SOX5: variants seen among roughly 807,000 people sequenced by gnomAD.
The protein encoded by SOX5 is transcription factor SOX-5.
SOX5 carries 9 observed loss-of-function variants against 92.0 expected under a neutral mutation model. The ratio of observed to expected loss-of-function variants is 0.10; its 90% CI spans 0.06 to 0.17. The LOEUF is 0.17. Ranked by LOEUF, SOX5 falls within the 10% of genes least tolerant of loss-of-function variation. The pLI, the probability that SOX5 is intolerant of heterozygous loss-of-function variation, is 1.00. For missense variants in SOX5, 642 were observed against 944.5 expected (o/e 0.68, Z 4.20); for synonymous variants, 344 against 336.3 (o/e 1.02, Z -0.25).
At chr12:24,557,027 T>C (rs1341811796) in intron 1 of SOX5, among the ~76,000 whole-genome samples, 1 of 152,140 alleles carries the variant, frequency 6.6e-6, no homozygotes, top group Non-Finnish European at 1.5e-5. Flanking sequence ...ATGCTAGGCA[T>C]TTCACACGTA....
chr12:24,193,199 G>A (rs1263163003), intron 4 of SOX5, among the ~76,000 whole-genome samples: 1 of 152,154 alleles, frequency 6.6e-6, no homozygotes, highest in Non-Finnish European at 1.5e-5. Context: ...AGAACCTGCA[G>A]GAAGATATTA....
chr12:24,161,379 G>C (rs904917880), intron 4 of SOX5, among the ~76,000 whole-genome samples: 4 of 152,026 alleles, frequency 2.6e-5, no homozygotes, highest in African/African-American at 9.7e-5. Context: ...ATGTCACATA[G>C]GCCATGTTTC....
At chr12:23,821,585 G>A (rs1317096743) in intron 3 of SOX5, among the ~76,000 whole-genome samples, 2 of 151,326 alleles carry the variant, frequency 1.3e-5, no homozygotes, top group African/African-American at 4.8e-5. Flanking sequence ...TTTATTGAGT[G>A]TTTTAGCATG....
chr12:24,106,140 G>T (rs759528595), intron 4 of SOX5, among the ~76,000 whole-genome samples: 6 of 151,214 alleles, frequency 4.0e-5, no homozygotes, highest in Non-Finnish European at 8.8e-5. Context: ...GACAAGTCAA[G>T]GAATGAGAGA....
chr12:24,255,970 C>A (rs1056654868), intron 3 of SOX5, among the ~76,000 whole-genome samples: 1 of 152,106 alleles, frequency 6.6e-6, no homozygotes, highest in Non-Finnish European at 1.5e-5. Context: ...TTTTAAACCC[C>A]AAGTTGTTAA....
chr12:24,094,939 T>G (rs1715031581), intron 4 of SOX5, among the ~76,000 whole-genome samples: 1 of 152,114 alleles, frequency 6.6e-6, no homozygotes, highest in East Asian at 1.9e-4. Flanking sequence ...CTCTTCAAAA[T>G]TTTCTTGGCT....
At chr12:23,571,806 G>C (rs997179325) in intron 10 of SOX5, among the ~76,000 whole-genome samples, 1 of 152,038 alleles carries the variant, frequency 6.6e-6, no homozygotes, top group Admixed American at 6.6e-5. Flanking sequence ...AGGCTCTTTA[G>C]GTCTGTGTTC....
At chr12:24,235,600 A>G (rs754550550) in intron 3 of SOX5, among the ~76,000 whole-genome samples, 25 of 152,342 alleles carry the variant, frequency 1.6e-4, no homozygotes, top group Non-Finnish European at 3.4e-4. Flanking sequence ...CATATCATAA[A>G]TAAGACCCAG....
intron 4 of SOX5, among the ~76,000 whole-genome samples, chr12:23,977,011 A>C (rs1338833641): frequency 1.3e-5 from 2 of 152,138 alleles, no homozygotes; most frequent in Non-Finnish European, 2.9e-5. Context: ...CAATATACCT[A>C]CTTTATTATG....
intron 2 of SOX5, among the ~76,000 whole-genome samples, chr12:24,335,800 C>T (rs1951811854): frequency 6.6e-6 from 1 of 151,338 alleles, no homozygotes; most frequent in Non-Finnish European, 1.5e-5. Flanking sequence ...TATCACTGTT[C>T]TTAAGCTCAC....
At chr12:24,253,811 A>T (rs1268396975) in intron 3 of SOX5, among the ~76,000 whole-genome samples, 2 of 152,176 alleles carry the variant, frequency 1.3e-5, no homozygotes, top group African/African-American at 4.8e-5. Context: ...TCTTAAGGCA[A>T]TGGAAGTGAA....
At chr12:23,677,552 T>G (rs2085908123) in intron 6 of SOX5, among the ~76,000 whole-genome samples, 1 of 152,204 alleles carries the variant, frequency 6.6e-6, no homozygotes, top group Non-Finnish European at 1.5e-5. Flanking sequence ...GATCCGTATA[T>G]GTGGAAACAA....
At chr12:24,243,293 G>A (rs1937852511) in intron 3 of SOX5, among the ~76,000 whole-genome samples, 1 of 152,042 alleles carries the variant, frequency 6.6e-6, no homozygotes, top group African/African-American at 2.4e-5. Flanking sequence ...TCTATTTCCA[G>A]TTTATAATCT....
At chr12:23,600,037 T>G (rs959337045) in intron 9 of SOX5, among the ~76,000 whole-genome samples, 1 of 152,170 alleles carries the variant, frequency 6.6e-6, no homozygotes, top group Non-Finnish European at 1.5e-5. Flanking sequence ...AAAGTTAAAC[T>G]ACAAGCAAAT....
In SOX5 at chr12:24,109,823, C is replaced by A. The variant is rs1947111272; in HGVS notation, c.-2+103520G>T. Among the ~76,000 whole-genome samples, 4 of 152,046 alleles carry A rather than the reference C, an allele frequency of 2.6e-5. No individual in the cohort carries two copies. The South Asian group carries it at 8.3e-4, about 32-fold the overall frequency. On this transcript the variant is annotated intron_variant, in intron 4 of 4. Coordinates refer to the SOX5 transcript ENST00000446891. Reference sequence around the variant, plus strand: ...TTTTAAAAAGCTATTATTTTAAAGTCCACATTTGGAAACTAAGCCTACAGT... The same window carrying A: ...TTTTAAAAAGCTATTATTTTAAAGTACACATTTGGAAACTAAGCCTACAGT...
chr12:23,718,750 A>C (rs942437605), intron 6 of SOX5, among the ~76,000 whole-genome samples: 1 of 152,200 alleles, frequency 6.6e-6, no homozygotes, highest in African/African-American at 2.4e-5. Flanking sequence ...TTTCAAAATG[A>C]AAGCAACCAA....
rs187456137 is a variant in SOX5, at chr12:24,268,844, A to G, written c.-77+8372T>C. Among the ~76,000 whole-genome samples, 5 of 152,316 alleles carry G rather than the reference A, an allele frequency of 3.3e-5. No individual in the cohort carries two copies. The East Asian group carries it at 9.6e-4, about 29-fold the overall frequency. ...TTCAGAGTAATGCACATTTTTATCT[A>G]CAGGTGGCAGACCTTTTAAAAATCA... On this transcript the variant is annotated intron_variant, in intron 3 of 4. Transcript: ENST00000446891.
intron 2 of SOX5, among the ~76,000 whole-genome samples, chr12:23,850,313 C>T (rs1003576086): frequency 1.7e-4 from 26 of 151,668 alleles, no homozygotes; most frequent in Non-Finnish European, 3.1e-4. Flanking sequence ...CCTGTAATCC[C>T]GGCTACTCTG....
At chr12:23,908,737 A>G (rs2097319408) in intron 1 of SOX5, among the ~76,000 whole-genome samples, 1 of 152,096 alleles carries the variant, frequency 6.6e-6, no homozygotes, top group Non-Finnish European at 1.5e-5. Flanking sequence ...GACGATGAGC[A>G]TCTATCAACC....
Sources: allele counts gnomAD v4.1 joint callset (sites outside exome capture counted in the v4.1 genomes callset), GRCh38; gene constraint gnomAD v4.1.1; transcripts MANE v1.5; gene names NCBI Gene and HGNC (gene_info 2026-07-23, HGNC 2026-07-21).